Variants in NT5DC1 observed in about 807,000 individuals in gnomAD.
NT5DC1 encodes 5'-nucleotidase domain containing 1.
NT5DC1 carries 42 observed loss-of-function variants against 59.4 expected under a neutral mutation model. The observed-to-expected ratio is 0.71, with a 90% CI of 0.55 to 0.92. The LOEUF (loss-of-function observed/expected upper bound fraction) is 0.92. Ranked by LOEUF, NT5DC1 falls within the 40% of genes least tolerant of loss-of-function variation. NT5DC1 has a pLI of 0.00. For missense variants in NT5DC1, 501 were observed against 537.1 expected (o/e 0.93, Z 0.66); for synonymous variants, 172 against 188.1 (o/e 0.91, Z 0.70).
intron 6 of NT5DC1, among the ~76,000 whole-genome samples, chr6:116,207,280 C>T (rs1781473524): frequency 7.0e-6 from 1 of 142,844 alleles, no homozygotes; most frequent in Admixed American, 7.0e-5. Flanking sequence ...TCTGTACCTG[C>T]ATTTCCTTTT....
chr6:116,135,411 GC>G lies in NT5DC1; in HGVS notation c.529+17474del, dbSNP rs200573830. 1.3e-4 allele frequency among the ~76,000 whole-genome samples: 20 copies of G among 150,166 alleles called. No homozygotes were observed. The East Asian group carries it at 1.6e-3, about 12-fold the overall frequency. On this transcript the variant is annotated intron_variant, in intron 6 of 11. Coordinates refer to ENST00000319550, the MANE Select transcript of NT5DC1 (RefSeq NM_152729.3). ...TTTTTTTTCTGTAGCATCCATAACC[GC>G]CCCCCCCACCTTTTTATTTAACAAC...
intron 6 of NT5DC1, among the ~76,000 whole-genome samples, chr6:116,136,587 C>T (rs536038555): frequency 5.3e-5 from 8 of 152,066 alleles, no homozygotes; most frequent in Non-Finnish European, 1.2e-4. Flanking sequence ...CCACATAACA[C>T]TTACTATAAA....
intron 7 of NT5DC1, among the ~76,000 whole-genome samples, chr6:116,222,179 A>G (rs1445227921): frequency 2.6e-5 from 4 of 152,200 alleles, no homozygotes; most frequent in Admixed American, 2.0e-4. Context: ...CTGATACATA[A>G]TAATGCATCT....
At chr6:116,207,388 A>G (rs1387269932) in intron 6 of NT5DC1, among the ~76,000 whole-genome samples, 3 of 151,948 alleles carry the variant, frequency 2.0e-5, no homozygotes, top group East Asian at 1.9e-4. Flanking sequence ...ATCCTTTACA[A>G]TCTTTAATTA....
chr6:116,120,574 G>A lies in NT5DC1; in HGVS notation c.529+2629G>A, dbSNP rs960008771. 2.1e-5 allele frequency: 34 copies of A among 1,601,538 alleles called. No individual in the cohort carries two copies. The highest frequency in any genetic ancestry group is 2.6e-5 in the Non-Finnish European group (30 of 1,174,862). ...CAGGCATGACTGCTTGACCTGGTGG[G>A]CCTGGAGGCCCAGGGGGCCCTGGAA... is the stretch of plus-strand genomic sequence containing the variant. On this transcript the variant is annotated intron_variant, in intron 6 of 11. Coordinates refer to ENST00000319550, the MANE Select transcript of NT5DC1 (RefSeq NM_152729.3).
rs1582869449 is a variant in NT5DC1 at position 116,199,975 on chromosome 6, T to G, written c.530-21079T>G. 7.1e-5 allele frequency among the ~76,000 whole-genome samples: 10 copies of G among 140,756 alleles called. 3 individuals are homozygous for G. Among genetic ancestry groups the G allele is most frequent in the Admixed American group, 6.4e-4 (9 of 14,074 alleles). The allele number at this position is 140,756 out of a possible 152,430, so 92.3% of individuals were successfully genotyped here. The stretch of plus-strand genomic sequence containing the variant: ...AGGGTAGCCTGTGCATTGTACTTCC[T>G]TACAAAGAGTACAGTATGGAAAGTG... On this transcript the variant is annotated intron_variant, in intron 6 of 11. Coordinates refer to ENST00000319550, the MANE Select transcript of NT5DC1 (RefSeq NM_152729.3).
At chr6:116,114,793 C>G (rs567054443) in intron 4 of NT5DC1, among the ~76,000 whole-genome samples, 1 of 152,168 alleles carries the variant, frequency 6.6e-6, no homozygotes, top group East Asian at 1.9e-4. Flanking sequence ...CAAGGAGAAG[C>G]GCAGAGAATA....
intron 6 of NT5DC1, chr6:116,137,129 G>T: frequency 4.8e-6 from 1 of 210,176 alleles, no homozygotes; most frequent in Non-Finnish European, 1.1e-5. Context: ...AATCGGTGGG[G>T]TCTCCTTTTC....
At chr6:116,138,810 G>T (rs1459114762) in intron 6 of NT5DC1, among the ~76,000 whole-genome samples, 1 of 152,046 alleles carries the variant, frequency 6.6e-6, no homozygotes, top group Non-Finnish European at 1.5e-5. Flanking sequence ...TATGGCAGGG[G>T]AATGCTCTTG....
chr6:116,109,623 A>G (rs1778834635), intron 3 of NT5DC1, among the ~76,000 whole-genome samples: 1 of 152,088 alleles, frequency 6.6e-6, no homozygotes, highest in Non-Finnish European at 1.5e-5. Context: ...TACCTCCTTG[A>G]TGCTTTCTTT....
chr6:116,133,393 A>G (rs1325964347), intron 6 of NT5DC1, among the ~76,000 whole-genome samples: 2 of 152,188 alleles, frequency 1.3e-5, no homozygotes, highest in Non-Finnish European at 1.5e-5. Flanking sequence ...AACACTTTTT[A>G]TTTAGATCTC....
intron 5 of NT5DC1, among the ~76,000 whole-genome samples, chr6:116,116,599 G>A (rs899265990): frequency 2.6e-5 from 4 of 152,084 alleles, no homozygotes; most frequent in Non-Finnish European, 2.9e-5. Context: ...CCGAGATCAC[G>A]CCACTGCACT....
intron 3 of NT5DC1, among the ~76,000 whole-genome samples, chr6:116,109,305 C>T (rs1169573733): frequency 1.3e-5 from 2 of 152,194 alleles, no homozygotes; most frequent in African/African-American, 4.8e-5. Context: ...TAAGGTGCAT[C>T]TACCTAGAGC....
intron 6 of NT5DC1, among the ~76,000 whole-genome samples, chr6:116,171,182 ACT>A (rs1780597270): frequency 6.6e-6 from 1 of 152,090 alleles, no homozygotes; most frequent in East Asian, 1.9e-4. Context: ...TAAATGACCC[ACT>A]TATATTATTG....
intron 9 of NT5DC1, chr6:116,237,547 G>A (rs1238950614): frequency 4.4e-6 from 2 of 456,796 alleles, no homozygotes; most frequent in Non-Finnish European, 8.8e-6. Flanking sequence ...CAGTCTCCTG[G>A]GGACTCCTGA....
rs535578560 is a variant in NT5DC1, at chr6:116,167,316, G to A, written c.529+49371G>A. Among the ~76,000 whole-genome samples, 19 of 147,040 alleles carry A rather than the reference G, an allele frequency of 1.3e-4. No individual in the cohort carries two copies. The East Asian group carries it at 3.2e-3, about 25-fold the overall frequency. On this transcript the variant is annotated intron_variant, in intron 6 of 11. Transcript: ENST00000319550. ...CAACTTCCGCCTCCCAGGTTCCAGCGATTCTCCTGCCTCAGCCTCCCAAGT... is the reference window on the plus strand; with the variant it reads ...CAACTTCCGCCTCCCAGGTTCCAGCAATTCTCCTGCCTCAGCCTCCCAAGT...
At chr6:116,170,274 G>A (rs747505217) in intron 6 of NT5DC1, among the ~76,000 whole-genome samples, 2 of 152,120 alleles carry the variant, frequency 1.3e-5, no homozygotes, top group Non-Finnish European at 2.9e-5. Context: ...GGTGTGACCT[G>A]ATTAAGAAGA....
At chr6:116,175,007 T>C (rs1409142067) in intron 6 of NT5DC1, among the ~76,000 whole-genome samples, 2 of 152,296 alleles carry the variant, frequency 1.3e-5, no homozygotes, top group South Asian at 2.1e-4. Context: ...GTAAGGGATA[T>C]AGAATATTTC....
intron 6 of NT5DC1, among the ~76,000 whole-genome samples, chr6:116,130,422 T>C (rs1391195334): frequency 6.6e-6 from 1 of 151,944 alleles, no homozygotes; most frequent in Non-Finnish European, 1.5e-5. Flanking sequence ...AGTTGGCTCC[T>C]GAGTTCTTTT....
Sources: gnomAD v4.1 joint callset for allele counts (sites outside exome capture counted in the v4.1 genomes callset) on GRCh38, gnomAD v4.1.1 for gene constraint, MANE v1.5 for transcripts, NCBI Gene and HGNC (gene_info 2026-07-23, HGNC 2026-07-21) for gene names.